The following DCLK1 variants were observed in gnomAD, a reference collection of about 807,000 sequenced individuals.
DCLK1 encodes doublecortin like kinase 1.
DCLK1 carries 16 observed loss-of-function variants against 86.2 expected under a neutral mutation model. The observed-to-expected ratio is 0.19, with a 90% confidence interval of 0.13 to 0.28. DCLK1 has a LOEUF of 0.28. Ranked by LOEUF, DCLK1 falls within the 10% of genes least tolerant of loss-of-function variation. The pLI is 1.00. For missense variants in DCLK1, 590 were observed against 940.2 expected (o/e 0.63, Z 4.87); for synonymous variants, 369 against 370.5 (o/e 1.00, Z 0.05).
At chr13:35,898,874 T>G (rs970234927) in intron 4 of DCLK1, among the ~76,000 whole-genome samples, 1 of 152,084 alleles carries the variant, frequency 6.6e-6, no homozygotes, top group Non-Finnish European at 1.5e-5. Flanking sequence ...CCCAAGTAAC[T>G]GGAACTATAG....
At chr13:36,057,964 G>T (rs562222032) in intron 3 of DCLK1, among the ~76,000 whole-genome samples, 1 of 152,234 alleles carries the variant, frequency 6.6e-6, no homozygotes, top group Admixed American at 6.5e-5. Flanking sequence ...TTTTGGGGGG[G>T]ATAAGACAAG....
intron 6 of DCLK1, among the ~76,000 whole-genome samples, chr13:35,842,450 T>G (rs1324954507): frequency 1.3e-5 from 2 of 151,752 alleles, no homozygotes; most frequent in African/African-American, 2.4e-5. Flanking sequence ...GCAGGAGGCT[T>G]GCTTGAGCCC....
rs936616602 is a variant in DCLK1, at chr13:35,848,213, G to A, written c.1035+6286C>T. ...TAGAACAATTTAAAAATTCATTGCC[G>A]AATTTTTTTTATAAAGAATTCTATA... On this transcript the variant is annotated intron_variant, in intron 6 of 16. Transcript: ENST00000360631. The A allele has an allele frequency of 1.2e-5, 12 of 985,028 alleles. No individual in the cohort carries two copies. The South Asian group carries it at 1.4e-4, about 12-fold the overall frequency. The allele number at this position is 985,028 out of a possible 1,614,324, so 61.0% of individuals were successfully genotyped here. A position where few individuals can be genotyped will look rare whatever the true frequency, so the allele number is the denominator to read the frequency against.
intron 3 of DCLK1, among the ~76,000 whole-genome samples, chr13:35,974,634 AG>A (rs1409322269): frequency 2.0e-5 from 3 of 152,108 alleles, no homozygotes; most frequent in Admixed American, 1.3e-4. Flanking sequence ...GGCCATGTAA[AG>A]TGTACCTGCT....
chr13:35,795,313 A>G (rs549231602), intron 15 of DCLK1, among the ~76,000 whole-genome samples: 1 of 152,346 alleles, frequency 6.6e-6, no homozygotes, highest in South Asian at 2.1e-4. Context: ...TTAAGAGTTT[A>G]TGTGCCATGG....
intron 3 of DCLK1, among the ~76,000 whole-genome samples, chr13:36,074,679 T>C (rs1353259008): frequency 6.6e-6 from 1 of 152,182 alleles, no homozygotes; most frequent in African/African-American, 2.4e-5. Context: ...CCTATAGCTT[T>C]GGTAACTGCC....
rs117822324 is a variant in DCLK1, at chr13:35,919,940, C to T, written c.823+27418G>A. On this transcript the variant is annotated intron_variant, in intron 4 of 16. Coordinates refer to ENST00000360631, the MANE Select transcript of DCLK1 (RefSeq NM_001330071.2). ...GGTTGTGAGAATTATATAAATTCAC[C>T]CATGTAAAGTGCTTACGACACAGCC... Among the ~76,000 whole-genome samples, 1,161 of 151,702 alleles carry T rather than the reference C, an allele frequency of 7.7e-3. 4 individuals carry two copies. Among genetic ancestry groups the T allele is most frequent in the Non-Finnish European group, 0.012 (809 of 67,968 alleles).
chr13:35,798,373 T>C (rs1019388189), intron 15 of DCLK1, among the ~76,000 whole-genome samples: 1 of 152,248 alleles, frequency 6.6e-6, no homozygotes, highest in African/African-American at 2.4e-5. Context: ...TGCAGTCTAT[T>C]CATTGCCAGA....
chr13:36,125,740 G>C, intron 2 of DCLK1, 22 bp downstream of exon 2: 1 of 1,600,540 alleles, frequency 6.2e-7, no homozygotes, highest in Non-Finnish European at 8.5e-7. Flanking sequence ...GGGTCACGTG[G>C]GGGTTATCTC....
At chr13:35,808,202 G>A in intron 14 of DCLK1, 22 bp downstream of exon 14, 1 of 1,598,046 alleles carries the variant, frequency 6.3e-7, no homozygotes, top group African/African-American at 1.3e-5. Flanking sequence ...ATATAGGGAA[G>A]AGGAAGGCAC....
chr13:36,043,322 A>AT (rs202015103), intron 3 of DCLK1, among the ~76,000 whole-genome samples: 16 of 151,794 alleles, frequency 1.1e-4, no homozygotes, highest in Non-Finnish European at 1.5e-4. Context: ...GCTCCTAGAA[A>AT]TTTAAAAAAA....
intron 4 of DCLK1, among the ~76,000 whole-genome samples, chr13:35,934,434 T>C (rs1162240532): frequency 2.0e-5 from 3 of 152,312 alleles, no homozygotes; most frequent in Middle Eastern, 3.4e-3. Flanking sequence ...TCCACATCGC[T>C]GGGGAAGCCT....
At chr13:36,034,866 A>C (rs376386814) in intron 3 of DCLK1, among the ~76,000 whole-genome samples, 1 of 152,188 alleles carries the variant, frequency 6.6e-6, no homozygotes, top group Non-Finnish European at 1.5e-5. Context: ...CATTTGAAAG[A>C]AAGGGTGTTG....
At chr13:36,084,184 T>G (rs1338575780) in intron 3 of DCLK1, among the ~76,000 whole-genome samples, 1 of 152,154 alleles carries the variant, frequency 6.6e-6, no homozygotes, top group East Asian at 1.9e-4. Flanking sequence ...CCTTGAATGA[T>G]TTTTCCCCGC....
intron 5 of DCLK1, among the ~76,000 whole-genome samples, chr13:35,862,949 T>C (rs925082291): frequency 6.6e-6 from 1 of 152,214 alleles, no homozygotes; most frequent in Non-Finnish European, 1.5e-5. Context: ...CAAGGGACCA[T>C]ATATCCGATG....
chr13:35,997,464 G>A (rs564659063), intron 3 of DCLK1, among the ~76,000 whole-genome samples: 3 of 152,146 alleles, frequency 2.0e-5, no homozygotes, highest in Non-Finnish European at 2.9e-5. Context: ...AACACGCATG[G>A]CTCTAATTTC....
intron 3 of DCLK1, among the ~76,000 whole-genome samples, chr13:35,989,344 T>C (rs1340629135): frequency 6.6e-6 from 1 of 152,156 alleles, no homozygotes; most frequent in Admixed American, 6.5e-5. Flanking sequence ...CGATGTCGAC[T>C]CACTGCAACA....
At chr13:35,778,650 A>G (rs2086468796) in intron 16 of DCLK1, among the ~76,000 whole-genome samples, 1 of 152,122 alleles carries the variant, frequency 6.6e-6, no homozygotes, top group Admixed American at 6.5e-5. Flanking sequence ...ATGAATCCCA[A>G]TTTTGAGAGA....
At chr13:35,937,458 A>G (rs1876827230) in intron 4 of DCLK1, among the ~76,000 whole-genome samples, 1 of 152,150 alleles carries the variant, frequency 6.6e-6, no homozygotes, top group African/African-American at 2.4e-5. Context: ...GAGAGAAGTC[A>G]TCAACCCTCC....
Sources: allele counts gnomAD v4.1 joint callset (sites outside exome capture counted in the v4.1 genomes callset), GRCh38; gene constraint gnomAD v4.1.1; transcripts MANE v1.5; gene names NCBI Gene and HGNC (gene_info 2026-07-23, HGNC 2026-07-21).